DNAH5: variants seen among roughly 807,000 people sequenced by gnomAD.
DNAH5 encodes the protein dynein axonemal heavy chain 5.
Under a neutral mutation model 518.2 loss-of-function variants are expected in DNAH5, and 372 were observed. The observed-to-expected ratio is 0.72, with a 90% CI of 0.66 to 0.78. The LOEUF (loss-of-function observed/expected upper bound fraction) is 0.78. Ranked by LOEUF, DNAH5 falls within the 30% of genes least tolerant of loss-of-function variation. The pLI is 0.00. For missense variants in DNAH5, 5,523 were observed against 5,687.0 expected (o/e 0.97, Z 0.93); for synonymous variants, 2,039 against 2,025.9 (o/e 1.01, Z -0.17).
intron 51 of DNAH5, among the ~76,000 whole-genome samples, chr5:13,788,262 C>T (rs1420740006): frequency 6.6e-6 from 1 of 152,168 alleles, no homozygotes; most frequent in Non-Finnish European, 1.5e-5. Flanking sequence ...TTAGCAGTGA[C>T]TACAGGCCAT....
At position 13,894,844 on chromosome 5, in the gene DNAH5, T is replaced by A. The variant is rs188635721; in HGVS notation, c.2260-23A>T. The stretch of plus-strand genomic sequence containing the variant: ...CATCTGCAATGAAATTGGGGTTAAG[T>A]AATCAATTAATATCTCACTTCTAAT... On this transcript the variant is annotated intron_variant, in intron 15 of 78. Coordinates refer to ENST00000265104, the MANE Select transcript of DNAH5 (RefSeq NM_001369.3). 9.3e-6 allele frequency: 15 copies of A among 1,608,810 alleles called. No homozygotes were observed. The African/African-American group carries it at 1.2e-4, about 13-fold the overall frequency.
At position 13,691,513 on chromosome 5, in the gene DNAH5, C is replaced by G. The variant is rs571892350; in HGVS notation, c.*471G>C. On this transcript the variant is annotated 3_prime_UTR_variant, in exon 79 of 79. Coordinates refer to ENST00000265104, the MANE Select transcript of DNAH5 (RefSeq NM_001369.3). The stretch of plus-strand genomic sequence containing the variant: ...TTTTTTAAAAGGTATTTTTAATTGG[C>G]TGCTTGAAACCCTGAAAATAAGTCT... 1 of 154,284 alleles carries G rather than the reference C, an allele frequency of 6.5e-6. No individual in the cohort carries two copies. Among genetic ancestry groups the G allele is most frequent in the Admixed American group, 6.4e-5 (1 of 15,612 alleles). The allele number at this position is 154,284 out of a possible 1,614,324, so 9.6% of individuals were successfully genotyped here. A position where few individuals can be genotyped will look rare whatever the true frequency, so the allele number is the denominator to read the frequency against.
chr5:13,703,915 A>G (rs1371569176), intron 76 of DNAH5, among the ~76,000 whole-genome samples: 3 of 152,164 alleles, frequency 2.0e-5, no homozygotes, highest in African/African-American at 7.2e-5. Context: ...TGAAAGTGGC[A>G]TGGGTCACTT....
At chr5:13,897,548 CA>C (rs1460391173) in intron 15 of DNAH5, 7 of 152,264 alleles carry the variant, frequency 4.6e-5, no homozygotes, top group Middle Eastern at 3.4e-3. Flanking sequence ...AACTGTCTTC[CA>C]AGGAAGAGAT....
chr5:14,001,451 C>T (rs1237223939), intron 1 of DNAH5, among the ~76,000 whole-genome samples: 2 of 151,802 alleles, frequency 1.3e-5, no homozygotes, highest in Non-Finnish European at 1.5e-5. Context: ...GCCAACTCCG[C>T]CTCCTGGGTT....
chr5:13,956,574 G>A (rs1023445825), intron 1 of DNAH5, among the ~76,000 whole-genome samples: 17 of 152,192 alleles, frequency 1.1e-4, no homozygotes, highest in African/African-American at 4.1e-4. Context: ...TCATAAGTAA[G>A]TGTAAAAGGC....
chr5:13,829,378 T>C, intron 38 of DNAH5, 132 bp downstream of exon 38: 1 of 791,234 alleles, frequency 1.3e-6, no homozygotes, highest in Non-Finnish European at 2.1e-6. Flanking sequence ...TTTGTAGTAA[T>C]ACACCTTTCT....
chr5:13,986,652 C>T (rs1321723981), intron 1 of DNAH5, among the ~76,000 whole-genome samples: 3 of 152,190 alleles, frequency 2.0e-5, no homozygotes, highest in Non-Finnish European at 4.4e-5. Flanking sequence ...CTGCTTCTTG[C>T]ACCTTCCTGA....
rs768364331 is a variant in DNAH5 at position 13,793,504 on chromosome 5, T to C, written c.8224+11A>G. Reference sequence around the variant, plus strand: ...CCTCACCCTCCCACCCCACATCCTCTTGATCTTTACCAAAGATCTTGTCCA... The same window carrying C: ...CCTCACCCTCCCACCCCACATCCTCCTGATCTTTACCAAAGATCTTGTCCA... On this transcript the variant is annotated intron_variant, in intron 49 of 78. Coordinates refer to ENST00000265104, the MANE Select transcript of DNAH5 (RefSeq NM_001369.3). 1.9e-6 allele frequency: 3 copies of C among 1,605,566 alleles called. No homozygotes were observed. The highest frequency in any genetic ancestry group is 2.6e-6 in the Non-Finnish European group (3 of 1,172,252).
intron 15 of DNAH5, among the ~76,000 whole-genome samples, chr5:13,896,909 G>C (rs975508562): frequency 6.6e-6 from 1 of 152,142 alleles, no homozygotes; most frequent in Non-Finnish European, 1.5e-5. Flanking sequence ...GTGCATGTTG[G>C]TTTTACCTTG....
At chr5:13,728,939 C>T (rs1285544630) in intron 69 of DNAH5, among the ~76,000 whole-genome samples, 1 of 151,914 alleles carries the variant, frequency 6.6e-6, no homozygotes, top group Non-Finnish European at 1.5e-5. Flanking sequence ...AGATAAGAGG[C>T]CAAGTGTTTA....
chr5:13,767,579 A>G (rs915598587), intron 58 of DNAH5, among the ~76,000 whole-genome samples: 2 of 152,206 alleles, frequency 1.3e-5, no homozygotes, highest in Non-Finnish European at 1.5e-5. Context: ...CAGTGAGGAA[A>G]GTAGGGTAGG....
At chr5:13,983,258 G>A (rs1487209618) in intron 1 of DNAH5, among the ~76,000 whole-genome samples, 5 of 152,110 alleles carry the variant, frequency 3.3e-5, no homozygotes, top group Admixed American at 3.3e-4. Context: ...CTGAGCTTGT[G>A]GGTGAGGGTG....
Position 13,714,629 on chromosome 5 carries a change from C to G in DNAH5, c.12910-9G>C, listed in dbSNP as rs930377551. On this transcript the variant is annotated splice_polypyrimidine_tract_variant and intron_variant, in intron 74 of 78. Transcript: ENST00000265104. ...TCATAGGCAGGCAAACTCTGAACAA[C>G]AGACACCCCAGATAAGCACAGACTG... 6.2e-7 allele frequency: 1 copy of G among 1,613,486 alleles called. No homozygotes were observed. The highest frequency in any genetic ancestry group is 8.5e-7 in the Non-Finnish European group (1 of 1,179,828).
intron 15 of DNAH5, among the ~76,000 whole-genome samples, chr5:13,897,095 G>C (rs1774005571): frequency 6.6e-6 from 1 of 152,234 alleles, no homozygotes. Flanking sequence ...AAGGAAGTAA[G>C]AAGCCTTGCA....
chr5:13,928,303 C>T (rs1024751307), intron 2 of DNAH5, 125 bp from the exon 3 acceptor site: 1 of 664,804 alleles, frequency 1.5e-6, no homozygotes, highest in Non-Finnish European at 2.7e-6. Flanking sequence ...AGGACTGCAT[C>T]TAATGTATCC....
intron 65 of DNAH5, among the ~76,000 whole-genome samples, chr5:13,750,079 AG>A (rs2126683780): frequency 6.6e-6 from 1 of 152,254 alleles, no homozygotes; most frequent in South Asian, 2.1e-4. Flanking sequence ...GGGAGAGAGA[AG>A]GGGAGGAAGT....
At chr5:13,999,061 G>A (rs964360563) in intron 1 of DNAH5, among the ~76,000 whole-genome samples, 2 of 152,176 alleles carry the variant, frequency 1.3e-5, no homozygotes, top group African/African-American at 2.4e-5. Flanking sequence ...TAGTAGAGAC[G>A]GGGTTTAGTA....
At chr5:13,764,467 G>A (rs1407784248) in intron 59 of DNAH5, among the ~76,000 whole-genome samples, 1 of 152,108 alleles carries the variant, frequency 6.6e-6, no homozygotes, top group African/African-American at 2.4e-5. Context: ...ATTCCCCAGA[G>A]GCTCATAAGC....
Sources: allele counts gnomAD v4.1 joint callset (sites outside exome capture counted in the v4.1 genomes callset), GRCh38; gene constraint gnomAD v4.1.1; transcripts MANE v1.5; gene names NCBI Gene and HGNC (gene_info 2026-07-23, HGNC 2026-07-21).